Variants in TRPM3 observed in about 807,000 individuals in gnomAD.
TRPM3 encodes transient receptor potential cation channel subfamily M member 3.
Under a neutral mutation model 181.2 loss-of-function variants are expected in TRPM3, and 77 were observed. The ratio of observed to expected loss-of-function variants is 0.42; its 90% CI spans 0.35 to 0.51. The LOEUF (loss-of-function observed/expected upper bound fraction) is 0.51. Among genes scored for constraint, TRPM3 ranks in the 20% least tolerant of loss-of-function variants. TRPM3 has a pLI of 0.01. For synonymous variants in TRPM3, 745 were observed against 796.4 expected, an observed-to-expected ratio of 0.94 and a Z score of 1.09; for missense variants, 1,759 against 2,196.7, an observed-to-expected ratio of 0.80 and a Z score of 3.98.
chr9:71,446,662 C>T (rs2094208690), exon 1 of TRPM3: 2 of 1,549,878 alleles, frequency 1.3e-6, no homozygotes, highest in African/African-American at 2.7e-5. Flanking sequence ...CCGGCGTCTG[C>T]TGCGACGGGA....
chr9:70,832,038 T>TAA (rs1174437214), intron 5 of TRPM3, among the ~76,000 whole-genome samples: 1 of 106,948 alleles, frequency 9.4e-6, no homozygotes, highest in African/African-American at 3.4e-5. Context: ...AATTAAAAAT[T>TAA]AAAAAAAAAA....
chr9:70,803,144 A>G (rs2089683145), intron 6 of TRPM3, among the ~76,000 whole-genome samples: 1 of 149,998 alleles, frequency 6.7e-6, no homozygotes, highest in Admixed American at 6.6e-5. Context: ...AGCAGATGAG[A>G]TGCGGAAGAA....
At chr9:71,104,046 C>T (rs1334384765) in intron 1 of TRPM3, among the ~76,000 whole-genome samples, 1 of 152,116 alleles carries the variant, frequency 6.6e-6, no homozygotes, top group African/African-American at 2.4e-5. Flanking sequence ...TCCTGAGTAG[C>T]TGGGACTACA....
intron 1 of TRPM3, among the ~76,000 whole-genome samples, chr9:70,882,850 G>T (rs188280555): frequency 6.6e-6 from 1 of 152,082 alleles, no homozygotes. Context: ...TTGGTTGCAG[G>T]TCATGGCAAC....
intron 1 of TRPM3, among the ~76,000 whole-genome samples, chr9:71,369,588 C>T (rs967285773): frequency 1.2e-4 from 19 of 152,296 alleles, no homozygotes; most frequent in Non-Finnish European, 2.6e-4. Flanking sequence ...ACTGCAACCT[C>T]CGCCTCCCAG....
intron 1 of TRPM3, among the ~76,000 whole-genome samples, chr9:71,334,680 C>G (rs533827628): frequency 6.6e-6 from 1 of 152,106 alleles, no homozygotes; most frequent in Non-Finnish European, 1.5e-5. Context: ...ATTCAACAAC[C>G]ATCTTTCTCC....
intron 1 of TRPM3, among the ~76,000 whole-genome samples, chr9:71,262,475 G>A (rs1415250634): frequency 6.6e-6 from 1 of 152,016 alleles, no homozygotes; most frequent in Non-Finnish European, 1.5e-5. Context: ...GATCTGCTTA[G>A]CAAGACAACT....
At chr9:70,921,314 CAG>C (rs539538178) in intron 1 of TRPM3, among the ~76,000 whole-genome samples, 14 of 152,200 alleles carry the variant, frequency 9.2e-5, no homozygotes, top group Non-Finnish European at 1.8e-4. Flanking sequence ...GATATTCAAA[CAG>C]AGTACTTTGT....
chr9:70,950,467 G>GAAAAA (rs774096048), intron 1 of TRPM3, among the ~76,000 whole-genome samples: 9 of 152,244 alleles, frequency 5.9e-5, no homozygotes, highest in Non-Finnish European at 1.3e-4. Flanking sequence ...ATGGCAGAAG[G>GAAAAA]AAAAAGTAAG....
At chr9:71,070,046 A>C (rs547456205) in intron 1 of TRPM3, among the ~76,000 whole-genome samples, 4 of 152,330 alleles carry the variant, frequency 2.6e-5, no homozygotes, top group African/African-American at 9.6e-5. Flanking sequence ...TTTTATTTTA[A>C]TGAGTATTGA....
intron 1 of TRPM3, among the ~76,000 whole-genome samples, chr9:70,866,832 AG>A (rs1248721200): frequency 6.6e-6 from 1 of 152,050 alleles, no homozygotes; most frequent in Non-Finnish European, 1.5e-5. Flanking sequence ...CTGTGAGGAA[AG>A]TACTACTTTT....
At chr9:71,375,944 T>C (rs2092655288) in intron 1 of TRPM3, among the ~76,000 whole-genome samples, 1 of 152,162 alleles carries the variant, frequency 6.6e-6, no homozygotes, top group Admixed American at 6.5e-5. Context: ...GTACTGGGAA[T>C]CTAAAAGATT....
intron 1 of TRPM3, among the ~76,000 whole-genome samples, chr9:71,275,844 AC>A (rs113859641): frequency 0.02 from 2,340 of 118,328 alleles, 29 homozygotes; most frequent in East Asian, 0.085. Context: ...GAAAGAAGGA[AC>A]TTTTTTTTTT....
At chr9:71,154,870 A>G (rs1481115144) in intron 1 of TRPM3, among the ~76,000 whole-genome samples, 1 of 152,150 alleles carries the variant, frequency 6.6e-6, no homozygotes, top group Non-Finnish European at 1.5e-5. Flanking sequence ...GAAACTCAAG[A>G]TTCCCATTAA....
chr9:70,610,209 C>A (rs533955830), intron 19 of TRPM3, among the ~76,000 whole-genome samples: 30 of 152,310 alleles, frequency 2.0e-4, no homozygotes, highest in Admixed American at 2.0e-3. Flanking sequence ...CCTCCACACT[C>A]TCCTCACTCC....
At chr9:71,182,275 T>C (rs1411020179) in intron 1 of TRPM3, among the ~76,000 whole-genome samples, 1 of 152,074 alleles carries the variant, frequency 6.6e-6, no homozygotes, top group Non-Finnish European at 1.5e-5. Flanking sequence ...ACATGACAAA[T>C]ATTGTTAATC....
At chr9:70,765,564 C>A (rs1367490623) in intron 7 of TRPM3, among the ~76,000 whole-genome samples, 1 of 152,124 alleles carries the variant, frequency 6.6e-6, no homozygotes, top group African/African-American at 2.4e-5. Context: ...TGCACTCCAG[C>A]CTGGGCAGCA....
At position 71,170,671 on chromosome 9, in the gene TRPM3, A is replaced by G. The variant is rs377698646; in HGVS notation, c.183+275982T>C. Among the ~76,000 whole-genome samples the G allele has an allele frequency of 8.3e-4, 126 of 152,278 alleles. 2 individuals carry two copies. In the South Asian group the frequency reaches 0.022, roughly 26 times the overall value. Reference sequence around the variant, plus strand: ...TTCATGGACACTTATCACTTCTCCAATCAATACCCTTGTGATTTCCTATGC... The same window carrying G: ...TTCATGGACACTTATCACTTCTCCAGTCAATACCCTTGTGATTTCCTATGC... On this transcript the variant is annotated intron_variant, in intron 1 of 24. Transcript: ENST00000357533.
chr9:70,640,114 C>G (rs1194282231), intron 10 of TRPM3, among the ~76,000 whole-genome samples: 1 of 152,166 alleles, frequency 6.6e-6, no homozygotes, highest in Non-Finnish European at 1.5e-5. Context: ...AGGACCTGTG[C>G]TCAGTCACCA....
Sources: gnomAD v4.1 joint callset for allele counts (sites outside exome capture counted in the v4.1 genomes callset) on GRCh38, gnomAD v4.1.1 for gene constraint, MANE v1.5 for transcripts, NCBI Gene and HGNC (gene_info 2026-07-23, HGNC 2026-07-21) for gene names.